The following MCF2L2 variants were observed in gnomAD, a reference collection of about 807,000 sequenced individuals.
The protein encoded by MCF2L2 is MCF.2 cell line derived transforming sequence-like 2.
In MCF2L2, 102 loss-of-function variants were observed where a neutral mutation model predicts 150.2. The observed-to-expected ratio is 0.68, with a 90% CI of 0.58 to 0.80. The LOEUF is 0.80. Ranked by LOEUF, MCF2L2 falls within the 30% of genes least tolerant of loss-of-function variation. MCF2L2 has a pLI of 0.00. For synonymous variants in MCF2L2, 465 were observed against 491.3 expected (o/e 0.95, Z 0.71); for missense variants, 1,256 against 1,372.8 (o/e 0.91, Z 1.34).
At chr3:183,354,228 A>G (rs1711630394) in intron 3 of MCF2L2, among the ~76,000 whole-genome samples, 1 of 152,216 alleles carries the variant, frequency 6.6e-6, no homozygotes, top group Non-Finnish European at 1.5e-5. Context: ...CAGGCCCTGA[A>G]AGAAATAGAA....
chr3:183,274,695 A>C (rs1240714245), intron 15 of MCF2L2, among the ~76,000 whole-genome samples: 1 of 152,228 alleles, frequency 6.6e-6, no homozygotes, highest in Non-Finnish European at 1.5e-5. Flanking sequence ...TATAGCTGCA[A>C]TGAGAATAGA....
intron 1 of MCF2L2, among the ~76,000 whole-genome samples, chr3:183,420,497 C>G (rs1050814394): frequency 1.3e-5 from 2 of 152,120 alleles, no homozygotes; most frequent in Non-Finnish European, 2.9e-5. Context: ...AATTGGGAGG[C>G]TGAGGCAGAA....
At chr3:183,349,025 T>C (rs1397734664) in intron 3 of MCF2L2, among the ~76,000 whole-genome samples, 1 of 152,216 alleles carries the variant, frequency 6.6e-6, no homozygotes, top group Non-Finnish European at 1.5e-5. Context: ...CAGACGATAT[T>C]CTTTTCAAAT....
At chr3:183,409,702 C>A (rs1181422667) in intron 1 of MCF2L2, among the ~76,000 whole-genome samples, 2 of 151,676 alleles carry the variant, frequency 1.3e-5, no homozygotes, top group African/African-American at 4.8e-5. Flanking sequence ...TTACAGGTGC[C>A]CATGACCATG....
intron 14 of MCF2L2, chr3:183,287,947 T>C (rs1727889094): frequency 6.6e-6 from 1 of 152,218 alleles, no homozygotes; most frequent in Non-Finnish European, 1.5e-5. Flanking sequence ...TGAAGTTCAT[T>C]TGAGCCCATG....
At chr3:183,272,124 C>G (rs1726830525) in intron 15 of MCF2L2, 1 of 999,452 alleles carries the variant, frequency 1.0e-6, no homozygotes, top group Non-Finnish European at 1.2e-6. Flanking sequence ...AGAAAAGTTG[C>G]CAGTTTGGGG....
Position 183,208,603 on chromosome 3 carries a change from G to A in MCF2L2, c.2497-780C>T, listed in dbSNP as rs75220422. Among the ~76,000 whole-genome samples, 451 of 152,294 alleles carry A rather than the reference G, an allele frequency of 3.0e-3. 4 individuals carry two copies. The highest frequency in any genetic ancestry group is 0.011 in the African/African-American group (440 of 41,564). ...CAGTGGACCAAGATGAGCTGGGAGC[G>A]AGGCATTTTATCTGGTATTTTTCAA... On this transcript the variant is annotated intron_variant, in intron 22 of 29. Transcript: ENST00000328913.
intron 14 of MCF2L2, among the ~76,000 whole-genome samples, chr3:183,286,638 C>T (rs1727812681): frequency 6.6e-6 from 1 of 152,192 alleles, no homozygotes; most frequent in Non-Finnish European, 1.5e-5. Flanking sequence ...ACACTAATTG[C>T]ATTTATTGGT....
chr3:183,376,892 C>T (rs1713217436), intron 3 of MCF2L2: 1 of 152,162 alleles, frequency 6.6e-6, no homozygotes, highest in South Asian at 2.1e-4. Context: ...ACCTTTCCTT[C>T]TAGTCCCTAG....
chr3:183,389,893 C>T (rs1288009254), intron 1 of MCF2L2, 114 bp from the exon 2 acceptor site: 8 of 769,198 alleles, frequency 1.0e-5, no homozygotes, highest in African/African-American at 3.4e-5. Flanking sequence ...TATCAAGAGA[C>T]GGTGCTGGCA....
At chr3:183,298,076 C>T (rs901806953) in intron 11 of MCF2L2, 1 of 152,134 alleles carries the variant, frequency 6.6e-6, no homozygotes, top group Non-Finnish European at 1.5e-5. Flanking sequence ...GTTTGTCTTT[C>T]GTAAGGAAGC....
At position 183,178,822 on chromosome 3, in the gene MCF2L2, G is replaced by A. The variant is rs1346033251; in HGVS notation, c.*558C>T. On this transcript the variant is annotated 3_prime_UTR_variant, in exon 30 of 30. Coordinates refer to ENST00000328913, the MANE Select transcript of MCF2L2 (RefSeq NM_015078.4). ...CGAACACCCCATGAACGCTCGCAGG[G>A]ATGCTGGGAGGCGGACCGGGAGCTC... The A allele has an allele frequency of 6.6e-6, 1 of 152,422 alleles. No individual in the cohort carries two copies. The highest frequency in any genetic ancestry group is 1.5e-5 in the Non-Finnish European group (1 of 68,186). 9.4% of individuals were successfully genotyped at this position (152,422 alleles called of 1,614,324 possible).
chr3:183,363,694 T>C (rs1413127154), intron 3 of MCF2L2, among the ~76,000 whole-genome samples: 5 of 152,084 alleles, frequency 3.3e-5, no homozygotes, highest in Admixed American at 2.0e-4. Context: ...TGAGCCATGA[T>C]TGCGCCACTT....
chr3:183,357,544 A>G (rs1053056274), intron 3 of MCF2L2, among the ~76,000 whole-genome samples: 2 of 152,222 alleles, frequency 1.3e-5, no homozygotes, highest in Admixed American at 1.3e-4. Flanking sequence ...GAAAAACCCA[A>G]CACCTGACTT....
intron 15 of MCF2L2, among the ~76,000 whole-genome samples, chr3:183,257,414 C>T (rs71314295): frequency 6.6e-6 from 1 of 152,306 alleles, no homozygotes; most frequent in South Asian, 2.1e-4. Context: ...TTTTTAGCAT[C>T]CTATCCTGCC....
In MCF2L2 at chr3:183,315,164, T is replaced by C. The variant is rs373486691; in HGVS notation, c.753+2904A>G. Reference sequence around the variant, plus strand: ...GTTGGCCAGGCTCGTCTCGAACTCCTGACCTCAGGTGATCCACCCCCGCCT... The same window carrying C: ...GTTGGCCAGGCTCGTCTCGAACTCCCGACCTCAGGTGATCCACCCCCGCCT... On this transcript the variant is annotated intron_variant, in intron 7 of 29. Transcript: ENST00000328913. Among the ~76,000 whole-genome samples the C allele has an allele frequency of 3.5e-3, 521 of 150,644 alleles. 5 individuals carry two copies. Among genetic ancestry groups the C allele is most frequent in the African/African-American group, 0.012 (474 of 40,926 alleles).
chr3:183,374,655 C>T (rs1289790940), intron 3 of MCF2L2: 1 of 134,788 alleles, frequency 7.4e-6, no homozygotes, highest in African/African-American at 3.0e-5. Context: ...GCGACAAGCA[C>T]GAAACTCCGT....
chr3:183,249,349 G>C (rs892152302), intron 15 of MCF2L2, among the ~76,000 whole-genome samples: 4 of 152,230 alleles, frequency 2.6e-5, no homozygotes, highest in African/African-American at 9.6e-5. Context: ...TTGGAGGGTT[G>C]ACAGCACAGC....
At chr3:183,262,421 G>T (rs571391640) in intron 15 of MCF2L2, among the ~76,000 whole-genome samples, 41 of 152,160 alleles carry the variant, frequency 2.7e-4, no homozygotes, top group African/African-American at 9.6e-4. Flanking sequence ...TTACCGTTTT[G>T]ACATTTTGTT....
Sources: allele counts gnomAD v4.1 joint callset (sites outside exome capture counted in the v4.1 genomes callset), GRCh38; gene constraint gnomAD v4.1.1; transcripts MANE v1.5; gene names NCBI Gene and HGNC (gene_info 2026-07-23, HGNC 2026-07-21).